The following ASTN1 variants were observed in gnomAD, a reference collection of about 807,000 sequenced individuals.
ASTN1 encodes astrotactin 1.
ASTN1 carries 41 observed loss-of-function variants against 140.7 expected under a neutral mutation model. The ratio of observed to expected loss-of-function variants is 0.29; its 90% confidence interval spans 0.23 to 0.38. The LOEUF (loss-of-function observed/expected upper bound fraction) is 0.38. Ranked by LOEUF, ASTN1 falls within the 10% of genes least tolerant of loss-of-function variation. The probability of loss-of-function intolerance (pLI) is 1.00; values close to 1 mark genes in which losing one functional copy is unlikely to be tolerated. For missense variants in ASTN1, 1,479 were observed against 1,678.8 expected (o/e 0.88, Z 2.08); for synonymous variants, 640 against 652.2 (o/e 0.98, Z 0.29).
At chr1:177,122,133 T>A (rs529224471) in intron 1 of ASTN1, among the ~76,000 whole-genome samples, 192 of 152,256 alleles carry the variant, frequency 1.3e-3, no homozygotes, top group Non-Finnish European at 2.4e-3. Flanking sequence ...CCCATTCTCC[T>A]CATGCCAAAG....
chr1:176,940,810 T>C (rs926333605), intron 14 of ASTN1, among the ~76,000 whole-genome samples: 1 of 152,208 alleles, frequency 6.6e-6, no homozygotes, highest in African/African-American at 2.4e-5. Context: ...TTCTGCAAGA[T>C]AGAAATAGGT....
chr1:176,924,763 G>A (rs1024429229), intron 16 of ASTN1, among the ~76,000 whole-genome samples: 2 of 152,134 alleles, frequency 1.3e-5, no homozygotes, highest in Non-Finnish European at 2.9e-5. Flanking sequence ...AAATTGTATG[G>A]TAGAGACAAT....
At chr1:176,988,608 A>G (rs929463873) in intron 8 of ASTN1, among the ~76,000 whole-genome samples, 3 of 152,224 alleles carry the variant, frequency 2.0e-5, no homozygotes, top group African/African-American at 4.8e-5. Flanking sequence ...TTGAATATGA[A>G]GCTCGGAGGC....
chr1:176,985,143 G>A lies in ASTN1; in HGVS notation c.1524-19906C>T, dbSNP rs538566885. Among the ~76,000 whole-genome samples the A allele has an allele frequency of 6.6e-5, 10 of 152,310 alleles. 1 individual carries two copies. The highest frequency in any genetic ancestry group is 6.2e-4 in the South Asian group (3 of 4,822). On this transcript the variant is annotated intron_variant, in intron 8 of 22. Transcript: ENST00000361833. ...CTTGTGGGGAGAAGTCACCTGTTCC[G>A]TGTGCACTGAAGGCCCTCTGTCACT...
chr1:176,921,130 G>C (rs537285799), intron 16 of ASTN1, among the ~76,000 whole-genome samples: 248 of 152,314 alleles, frequency 1.6e-3, no homozygotes, highest in Non-Finnish European at 2.7e-3. Flanking sequence ...ATTTGAAAAT[G>C]ATGTCACTGC....
At chr1:176,875,309 G>C (rs1668513956) in intron 21 of ASTN1, among the ~76,000 whole-genome samples, 1 of 152,150 alleles carries the variant, frequency 6.6e-6, no homozygotes, top group Admixed American at 6.5e-5. Flanking sequence ...AAGGGAGGGG[G>C]CCGAAGTGCT....
At chr1:176,910,558 A>C (rs1670191414) in intron 16 of ASTN1, among the ~76,000 whole-genome samples, 1 of 152,254 alleles carries the variant, frequency 6.6e-6, no homozygotes, top group Admixed American at 6.5e-5. Flanking sequence ...TCAGAATATA[A>C]GCACAGTCAC....
chr1:176,933,229 C>A (rs565820318), intron 16 of ASTN1, among the ~76,000 whole-genome samples: 1 of 152,292 alleles, frequency 6.6e-6, no homozygotes, highest in Non-Finnish European at 1.5e-5. Context: ...CTCAGAGAAC[C>A]AACAGCACCT....
chr1:177,043,737 A>T (rs754261031), intron 2 of ASTN1, among the ~76,000 whole-genome samples: 8 of 152,214 alleles, frequency 5.3e-5, no homozygotes, highest in Non-Finnish European at 1.2e-4. Context: ...GAGGAAATTA[A>T]GGGCTGAGAG....
At chr1:176,935,139 G>T (rs1232493943) in intron 15 of ASTN1, among the ~76,000 whole-genome samples, 1 of 152,030 alleles carries the variant, frequency 6.6e-6, no homozygotes, top group African/African-American at 2.4e-5. Flanking sequence ...ATACCTTTTG[G>T]ATCTAGCTAG....
chr1:177,154,262 A>C (rs767788771), intron 1 of ASTN1, among the ~76,000 whole-genome samples: 1 of 152,194 alleles, frequency 6.6e-6, no homozygotes, highest in Non-Finnish European at 1.5e-5. Flanking sequence ...TCAATGGATA[A>C]GATTTGTGTT....
At position 177,143,810 on chromosome 1, in the gene ASTN1, G is replaced by C. The variant is rs1315568704; in HGVS notation, c.283+20584C>G. Among the ~76,000 whole-genome samples the C allele has an allele frequency of 3.3e-5, 5 of 151,986 alleles. No homozygotes were observed. The East Asian group carries it at 9.7e-4, about 29-fold the overall frequency. On this transcript the variant is annotated intron_variant, in intron 1 of 22. Transcript: ENST00000361833. Reference sequence around the variant, plus strand: ...TTATAGTTTTAAAACGATACCTCAAGTATCGACTAAAAATATTCTCATACT... The same window carrying C: ...TTATAGTTTTAAAACGATACCTCAACTATCGACTAAAAATATTCTCATACT...
intron 16 of ASTN1, among the ~76,000 whole-genome samples, chr1:176,923,181 A>T (rs1670811507): frequency 6.6e-6 from 1 of 152,210 alleles, no homozygotes; most frequent in Non-Finnish European, 1.5e-5. Context: ...AACCAAGTTA[A>T]CCTATTTAAC....
chr1:176,941,348 G>T (rs1671704308), intron 14 of ASTN1, among the ~76,000 whole-genome samples: 1 of 152,218 alleles, frequency 6.6e-6, no homozygotes, highest in Non-Finnish European at 1.5e-5. Flanking sequence ...AACAAAAATA[G>T]GTTAAAAACA....
chr1:176,898,414 A>G (rs1355171086), intron 16 of ASTN1, among the ~76,000 whole-genome samples: 1 of 152,244 alleles, frequency 6.6e-6, no homozygotes, highest in African/African-American at 2.4e-5. Flanking sequence ...CTATCTATTC[A>G]GTTTCCAGCA....
At chr1:177,153,268 C>T (rs1188179339) in intron 1 of ASTN1, among the ~76,000 whole-genome samples, 1 of 152,118 alleles carries the variant, frequency 6.6e-6, no homozygotes, top group East Asian at 1.9e-4. Context: ...TGATATCTTA[C>T]CAGGTAATCT....
intron 1 of ASTN1, among the ~76,000 whole-genome samples, chr1:177,144,998 A>T (rs958554246): frequency 1.3e-5 from 2 of 152,168 alleles, no homozygotes; most frequent in African/African-American, 4.8e-5. Context: ...GCATTGACCT[A>T]GCAGTTTTCA....
At position 176,863,979 on chromosome 1, in the gene ASTN1, G is replaced by A; in HGVS notation, c.*305C>T. On this transcript the variant is annotated 3_prime_UTR_variant, in exon 23 of 23. Coordinates refer to ENST00000361833, the MANE Select transcript of ASTN1 (RefSeq NM_004319.3). ...CACGGCAGAGCTCTTGAGCATTTTGGTAAACTTCTCAGGGAAAAAAAAATG... is the reference window on the plus strand; with the variant it reads ...CACGGCAGAGCTCTTGAGCATTTTGATAAACTTCTCAGGGAAAAAAAAATG... 12 of 1,142,528 alleles carry A rather than the reference G, an allele frequency of 1.1e-5. No homozygotes were observed. Among genetic ancestry groups the A allele is most frequent in the South Asian group, 4.6e-5 (2 of 43,750 alleles). The allele number at this position is 1,142,528 out of a possible 1,614,324, so 70.8% of individuals were successfully genotyped here.
intron 7 of ASTN1, among the ~76,000 whole-genome samples, chr1:177,022,989 A>G (rs1675902665): frequency 1.3e-5 from 2 of 152,222 alleles, no homozygotes; most frequent in Admixed American, 1.3e-4. Context: ...AAATTTTAAA[A>G]GTGACTTATC....
Sources: gnomAD v4.1 joint callset for allele counts (sites outside exome capture counted in the v4.1 genomes callset) on GRCh38, gnomAD v4.1.1 for gene constraint, MANE v1.5 for transcripts, NCBI Gene and HGNC (gene_info 2026-07-23, HGNC 2026-07-21) for gene names.